Variants in PPHLN1 observed in about 807,000 individuals in gnomAD.
The protein encoded by PPHLN1 is periphilin-1.
In PPHLN1, 29 loss-of-function variants were observed where a neutral mutation model predicts 51.3. That is an observed-to-expected ratio of 0.57 (90% CI 0.42 to 0.77). The LOEUF is 0.77. Ranked by LOEUF, PPHLN1 falls within the 30% of genes least tolerant of loss-of-function variation. PPHLN1 has a pLI of 0.00. For synonymous variants in PPHLN1, 147 were observed against 147.8 expected (o/e 0.99, Z 0.04); for missense variants, 436 against 438.4 (o/e 0.99, Z 0.05).
At chr12:42,441,135 C>T (rs545432016) in intron 9 of PPHLN1, among the ~76,000 whole-genome samples, 180 bp from the exon 10 acceptor site, 2 of 152,258 alleles carry the variant, frequency 1.3e-5, no homozygotes, top group South Asian at 4.1e-4. Flanking sequence ...CAGCAGATCT[C>T]ATGGATAGAG....
At chr12:42,360,260 T>C (rs1372840849) in intron 4 of PPHLN1, among the ~76,000 whole-genome samples, 1 of 151,846 alleles carries the variant, frequency 6.6e-6, no homozygotes, top group Non-Finnish European at 1.5e-5. Context: ...TTTCATAAGC[T>C]TCTTCAATCT....
At chr12:42,446,595 G>A (rs750674184), downstream of PPHLN1, 1 of 1,613,224 alleles carries the variant, frequency 6.2e-7, no homozygotes, top group Non-Finnish European at 8.5e-7. Flanking sequence ...ATTCTAGGAT[G>A]TAAAGCCAGA....
At chr12:42,363,290 T>C (rs761620836) in intron 4 of PPHLN1, among the ~76,000 whole-genome samples, 26 of 151,958 alleles carry the variant, frequency 1.7e-4, no homozygotes, top group Non-Finnish European at 3.4e-4. Flanking sequence ...GTCTTTCTTA[T>C]TGCTCTCTCC....
chr12:42,421,830 G>C (rs2081034891), intron 9 of PPHLN1, among the ~76,000 whole-genome samples: 1 of 152,034 alleles, frequency 6.6e-6, no homozygotes, highest in African/African-American at 2.4e-5. Flanking sequence ...GAAGCCAGAG[G>C]AGCAGTATAC....
intron 9 of PPHLN1, among the ~76,000 whole-genome samples, chr12:42,401,172 A>C (rs2078810606): frequency 6.6e-6 from 1 of 152,198 alleles, no homozygotes; most frequent in African/African-American, 2.4e-5. Context: ...AATACAATTA[A>C]TAAAGCCTAA....
intron 9 of PPHLN1, among the ~76,000 whole-genome samples, chr12:42,428,177 C>T (rs1326938531): frequency 6.6e-5 from 10 of 152,186 alleles, no homozygotes; most frequent in African/African-American, 2.4e-4. Flanking sequence ...TAAACTAGTA[C>T]AGCCATTATG....
At chr12:42,366,385 G>A (rs2075276400) in intron 4 of PPHLN1, among the ~76,000 whole-genome samples, 1 of 151,938 alleles carries the variant, frequency 6.6e-6, no homozygotes. Flanking sequence ...ACGCCACCAT[G>A]CCTGGCTAAT....
chr12:42,407,745 A>G (rs1056168314), intron 9 of PPHLN1, among the ~76,000 whole-genome samples: 1 of 152,240 alleles, frequency 6.6e-6, no homozygotes, highest in Non-Finnish European at 1.5e-5. Flanking sequence ...ATTATTTATA[A>G]TACCTAATGC....
intron 7 of PPHLN1, among the ~76,000 whole-genome samples, chr12:42,392,131 G>A (rs1398920607): frequency 6.6e-6 from 1 of 152,238 alleles, no homozygotes; most frequent in Non-Finnish European, 1.5e-5. Context: ...TTGGGGAATC[G>A]CTTGAACCCA....
chr12:42,403,542 G>A (rs1397384138), intron 9 of PPHLN1, among the ~76,000 whole-genome samples: 1 of 152,154 alleles, frequency 6.6e-6, no homozygotes, highest in African/African-American at 2.4e-5. Flanking sequence ...TTAAAAGGAA[G>A]CATCTCTTAA....
intron 2 of PPHLN1, among the ~76,000 whole-genome samples, chr12:42,350,683 T>C (rs1439658804): frequency 2.0e-5 from 3 of 152,116 alleles, no homozygotes; most frequent in East Asian, 1.9e-4. Context: ...ACATTGAGCA[T>C]TGAGTGAGCG....
chr12:42,401,349 T>C (rs558171178), intron 9 of PPHLN1, among the ~76,000 whole-genome samples: 23 of 152,334 alleles, frequency 1.5e-4, no homozygotes, highest in Non-Finnish European at 2.9e-4. Context: ...TTTTTAAACC[T>C]CTTTGGCTCT....
chr12:42,445,993 C>G (rs368298242), downstream of PPHLN1: 15 of 1,518,160 alleles, frequency 9.9e-6, no homozygotes, highest in East Asian at 2.5e-5. Context: ...GATTCCAGCA[C>G]GACGCATCAA....
chr12:42,398,826 A>T (rs1183373579), intron 8 of PPHLN1, 28 bp from the exon 9 acceptor site: 4 of 1,607,002 alleles, frequency 2.5e-6, no homozygotes, highest in Non-Finnish European at 3.4e-6. Context: ...TTAAGAAAAT[A>T]ATTAAAGATT....
intron 1 of PPHLN1, among the ~76,000 whole-genome samples, chr12:42,327,677 T>C (rs1406070088): frequency 6.6e-6 from 1 of 152,244 alleles, no homozygotes. Context: ...CTTAATTGCT[T>C]CTTTGCCATC....
intron 1 of PPHLN1, among the ~76,000 whole-genome samples, chr12:42,332,119 A>G (rs2069845216): frequency 6.6e-6 from 1 of 152,156 alleles, no homozygotes; most frequent in Non-Finnish European, 1.5e-5. Flanking sequence ...CGGGAGGATC[A>G]CTTGAGCCCA....
At chr12:42,415,853 T>TC (rs1212034287) in intron 9 of PPHLN1, among the ~76,000 whole-genome samples, 1 of 152,234 alleles carries the variant, frequency 6.6e-6, no homozygotes, top group African/African-American at 2.4e-5. Flanking sequence ...AGTGACTTGT[T>TC]CAAGTTTATG....
At chr12:42,341,716 G>T (rs1484304818) in intron 2 of PPHLN1, among the ~76,000 whole-genome samples, 1 of 152,110 alleles carries the variant, frequency 6.6e-6, no homozygotes, top group Non-Finnish European at 1.5e-5. Flanking sequence ...CCGCCTCCCG[G>T]GTTCACGCCA....
chr12:42,375,245 C>A, intron 5 of PPHLN1, 171 bp downstream of exon 5: 2 of 399,672 alleles, frequency 5.0e-6, no homozygotes, highest in Non-Finnish European at 4.4e-6. Flanking sequence ...CATACACACA[C>A]ATTTTTTTCA....
Sources: gnomAD v4.1 joint callset for allele counts (sites outside exome capture counted in the v4.1 genomes callset) on GRCh38, gnomAD v4.1.1 for gene constraint, MANE v1.5 for transcripts, NCBI Gene and HGNC (gene_info 2026-07-23, HGNC 2026-07-21) for gene names.